SNTG1: variants seen among roughly 807,000 people sequenced by gnomAD.
SNTG1 encodes the protein syntrophin gamma 1, also known as gamma-1-syntrophin.
Under a neutral mutation model 74.7 loss-of-function variants are expected in SNTG1, and 39 were observed. The observed-to-expected ratio is 0.52, with a 90% CI of 0.40 to 0.68. The LOEUF (loss-of-function observed/expected upper bound fraction) is 0.68, where lower values mean the gene tolerates loss of function less well. Among genes scored for constraint, SNTG1 ranks in the 30% least tolerant of loss-of-function variants. The pLI, the probability that SNTG1 is intolerant of heterozygous loss-of-function variation, is 0.00. For missense variants in SNTG1, 685 were observed against 609.5 expected (o/e 1.12, Z -1.30); for synonymous variants, 254 against 217.1 (o/e 1.17, Z -1.49).
intron 1 of SNTG1, among the ~76,000 whole-genome samples, chr8:50,167,563 T>G (rs2082665431): frequency 1.3e-5 from 2 of 151,454 alleles, no homozygotes. Flanking sequence ...TTGTGAGGCC[T>G]TGGCAGGCAG....
chr8:50,465,688 T>C (rs2093603483), intron 8 of SNTG1, among the ~76,000 whole-genome samples: 1 of 152,204 alleles, frequency 6.6e-6, no homozygotes, highest in Non-Finnish European at 1.5e-5. Flanking sequence ...TGCCAAGTAA[T>C]TAAAATTGTG....
At chr8:50,162,132 A>G (rs915606994) in intron 1 of SNTG1, among the ~76,000 whole-genome samples, 1 of 152,146 alleles carries the variant, frequency 6.6e-6, no homozygotes, top group Non-Finnish European at 1.5e-5. Context: ...GCAGGACAAA[A>G]TAAGGAATTG....
At chr8:49,967,556 A>G (rs1475395485) in intron 1 of SNTG1, among the ~76,000 whole-genome samples, 1 of 150,394 alleles carries the variant, frequency 6.6e-6, no homozygotes, top group African/African-American at 2.4e-5. Flanking sequence ...ATTATAATAT[A>G]TAAACTTTGT....
At position 50,249,360 on chromosome 8, in the gene SNTG1, C is replaced by T. The variant is rs537439501; in HGVS notation, c.-28+76725C>T. Among the ~76,000 whole-genome samples, 239 of 152,338 alleles carry T rather than the reference C, an allele frequency of 1.6e-3. 2 individuals carry two copies. Among genetic ancestry groups the T allele is most frequent in the African/African-American group, 5.5e-3 (228 of 41,584 alleles). The stretch of plus-strand genomic sequence containing the variant: ...CAGCAAAACTGCATGCACCTGTCCC[C>T]ACCAACAGCCAGGCCAGAGGCAGTC... On this transcript the variant is annotated intron_variant, in intron 2 of 18. Transcript: ENST00000642720.
Position 50,260,730 on chromosome 8 carries a change from T to C in SNTG1, c.-28+88095T>C, listed in dbSNP as rs1400310302. Among the ~76,000 whole-genome samples the C allele has an allele frequency of 3.1e-5, 4 of 128,380 alleles. 1 individual carries two copies. The highest frequency in any genetic ancestry group is 1.8e-4 in the Admixed American group (2 of 11,356). 84.2% of individuals were successfully genotyped at this position (128,380 alleles called of 152,430 possible). On this transcript the variant is annotated intron_variant, in intron 2 of 18. Transcript: ENST00000642720. ...TTCAAGAGTAGATAGGTAATGTAAG[T>C]AGAGAAATAGCAATTCTAAAAAAAA...
intron 13 of SNTG1, among the ~76,000 whole-genome samples, chr8:50,645,324 T>A (rs1013486978): frequency 6.7e-6 from 1 of 149,796 alleles, no homozygotes; most frequent in Admixed American, 6.7e-5. Flanking sequence ...TTTGTAGGTA[T>A]CCATTTTATT....
intron 15 of SNTG1, among the ~76,000 whole-genome samples, chr8:50,682,166 G>A (rs2095333745): frequency 6.6e-6 from 1 of 152,174 alleles, no homozygotes; most frequent in Non-Finnish European, 1.5e-5. Flanking sequence ...TGGAGTAAAG[G>A]TGAGGGCACA....
At chr8:50,687,040 C>T (rs927729089) in intron 15 of SNTG1, among the ~76,000 whole-genome samples, 5 of 150,730 alleles carry the variant, frequency 3.3e-5, no homozygotes, top group Non-Finnish European at 5.9e-5. Flanking sequence ...GAGGCTGAGG[C>T]AGGAGAATGG....
At chr8:50,377,937 T>C (rs559183661) in intron 2 of SNTG1, among the ~76,000 whole-genome samples, 4 of 152,332 alleles carry the variant, frequency 2.6e-5, no homozygotes, top group Admixed American at 1.3e-4. Context: ...AATAATGCTA[T>C]GGGATGCTTG....
chr8:50,158,835 T>C (rs1317399844), intron 1 of SNTG1, among the ~76,000 whole-genome samples: 1 of 152,186 alleles, frequency 6.6e-6, no homozygotes. Context: ...TTTAAGGGTA[T>C]ATATCTGGTG....
At chr8:50,010,417 T>TG (rs781295469) in intron 1 of SNTG1, among the ~76,000 whole-genome samples, 2 of 152,124 alleles carry the variant, frequency 1.3e-5, no homozygotes, top group Non-Finnish European at 2.9e-5. Flanking sequence ...AACAATGAGA[T>TG]GCAATTAATT....
At chr8:50,488,223 T>C (rs1415323666) in intron 8 of SNTG1, among the ~76,000 whole-genome samples, 1 of 130,296 alleles carries the variant, frequency 7.7e-6, no homozygotes, top group Non-Finnish European at 1.5e-5. Context: ...TAAAATAGGT[T>C]TTTTTTAAGA....
rs933067833 is a variant in SNTG1 at position 50,104,126 on chromosome 8, A to G, written c.-102-68435A>G. On this transcript the variant is annotated intron_variant, in intron 1 of 18. Coordinates refer to ENST00000642720, the MANE Select transcript of SNTG1 (RefSeq NM_018967.5). ...TTTTTCTATTGATTGGAATAGTTTC[A>G]GAAGGAATGGTACCAGTTCCTCCTT... 2.0e-5 allele frequency among the ~76,000 whole-genome samples: 3 copies of G among 152,150 alleles called. 1 individual carries two copies. Among genetic ancestry groups the G allele is most frequent in the Admixed American group, 1.3e-4 (2 of 15,268 alleles).
chr8:50,792,068 G>A (rs1331277779), intron 18 of SNTG1, among the ~76,000 whole-genome samples: 2 of 149,608 alleles, frequency 1.3e-5, no homozygotes, highest in East Asian at 3.9e-4. Flanking sequence ...ATGAATTAGT[G>A]AGCTCTAGTT....
chr8:50,448,821 T>G (rs1459229172), intron 5 of SNTG1, among the ~76,000 whole-genome samples: 1 of 152,052 alleles, frequency 6.6e-6, no homozygotes, highest in African/African-American at 2.4e-5. Flanking sequence ...GATCACGAGG[T>G]CAGGAGATGG....
chr8:50,450,027 T>C (rs1202578751), intron 6 of SNTG1, among the ~76,000 whole-genome samples: 1 of 152,198 alleles, frequency 6.6e-6, no homozygotes, highest in Non-Finnish European at 1.5e-5. Context: ...AAACTAATGA[T>C]AACAAGTCCC....
intron 1 of SNTG1, among the ~76,000 whole-genome samples, chr8:50,014,279 G>C (rs893284863): frequency 6.6e-6 from 1 of 152,090 alleles, no homozygotes; most frequent in African/African-American, 2.4e-5. Context: ...GAGTGTGTTA[G>C]CTATTTGATT....
At chr8:50,655,624 A>T (rs2095175393) in intron 13 of SNTG1, among the ~76,000 whole-genome samples, 2 of 152,210 alleles carry the variant, frequency 1.3e-5, no homozygotes. Context: ...GGCTTATTGT[A>T]AGACAAACTG....
At chr8:49,912,809 A>T (rs1467886056) in intron 1 of SNTG1, among the ~76,000 whole-genome samples, 1 of 152,200 alleles carries the variant, frequency 6.6e-6, no homozygotes, top group Admixed American at 6.5e-5. Flanking sequence ...AGCCTTTGAA[A>T]GCTCAAGATT....
Sources: allele counts gnomAD v4.1 joint callset (sites outside exome capture counted in the v4.1 genomes callset), GRCh38; gene constraint gnomAD v4.1.1; transcripts MANE v1.5; gene names NCBI Gene and HGNC (gene_info 2026-07-23, HGNC 2026-07-21).